Variants in FRMD4A observed in about 807,000 individuals in gnomAD.
The protein encoded by FRMD4A is FERM domain-containing protein 4A.
A neutral mutation model predicts 129.1 loss-of-function variants in FRMD4A; 29 were observed. The ratio of observed to expected loss-of-function variants is 0.22; its 90% CI spans 0.17 to 0.31. The LOEUF (loss-of-function observed/expected upper bound fraction) is 0.31, where lower values mean the gene tolerates loss of function less well. Among genes scored for constraint, FRMD4A ranks in the 10% least tolerant of loss-of-function variants. The pLI, the probability that FRMD4A is intolerant of heterozygous loss-of-function variation, is 1.00. For missense variants in FRMD4A, 1,272 were observed against 1,375.8 expected (o/e 0.92, Z 1.19); for synonymous variants, 634 against 571.6 (o/e 1.11, Z -1.56).
At chr10:14,251,740 G>A (rs1844448341) in intron 2 of FRMD4A, among the ~76,000 whole-genome samples, 1 of 152,184 alleles carries the variant, frequency 6.6e-6, no homozygotes, top group Non-Finnish European at 1.5e-5. Flanking sequence ...ATTCCTGGGA[G>A]TTCATACCCC....
At chr10:14,039,426 C>A (rs1833676832) in intron 2 of FRMD4A, among the ~76,000 whole-genome samples, 1 of 151,636 alleles carries the variant, frequency 6.6e-6, no homozygotes, top group South Asian at 2.1e-4. Context: ...ATCTATCTAT[C>A]TATCTATATT....
intron 2 of FRMD4A, among the ~76,000 whole-genome samples, chr10:14,125,725 ACACACACACACACACGTG>A (rs1359069148): frequency 8.2e-5 from 12 of 145,974 alleles, no homozygotes; most frequent in African/African-American, 3.0e-4. Flanking sequence ...ACACACAGAC[ACACACACACACACACGTG>A]CACACTCATG....
rs112675339 is a variant in FRMD4A at position 14,186,957 on chromosome 10, C to CAA, written c.45+143099_45+143100dup. Among the ~76,000 whole-genome samples, 394 of 139,516 alleles carry CAA rather than the reference C, an allele frequency of 2.8e-3. 1 individual carries two copies. Among genetic ancestry groups the CAA allele is most frequent in the East Asian group, 0.013 (64 of 4,814 alleles). 91.5% of individuals were successfully genotyped at this position (139,516 alleles called of 152,430 possible). The stretch of plus-strand genomic sequence containing the variant: ...GCAACATACTGAGACCTCGTCTCTG[C>CAA]AAAAAAAAAAAAACATAATTAGTCA... On this transcript the variant is annotated intron_variant, in intron 2 of 24. Coordinates refer to ENST00000357447, the MANE Select transcript of FRMD4A (RefSeq NM_018027.5).
intron 2 of FRMD4A, among the ~76,000 whole-genome samples, chr10:13,882,622 A>C (rs1024779450): frequency 6.6e-6 from 1 of 152,200 alleles, no homozygotes; most frequent in African/African-American, 2.4e-5. Context: ...AGGCTCCTTC[A>C]GGAAAGTTCT....
intron 2 of FRMD4A, among the ~76,000 whole-genome samples, chr10:14,071,451 G>A (rs1231448965): frequency 6.6e-6 from 1 of 152,122 alleles, no homozygotes; most frequent in African/African-American, 2.4e-5. Flanking sequence ...CATTGGTTTA[G>A]GATGAATTAC....
At chr10:13,891,889 C>T in intron 2 of FRMD4A, 1 of 288,190 alleles carries the variant, frequency 3.5e-6, no homozygotes, top group Non-Finnish European at 5.1e-6. Context: ...TCGCCCGCGC[C>T]CGGCCCGCCG....
chr10:14,276,736 GC>G (rs1845354386), intron 2 of FRMD4A, among the ~76,000 whole-genome samples: 1 of 152,206 alleles, frequency 6.6e-6, no homozygotes. Flanking sequence ...TGGTTTGTTT[GC>G]TTCTCTATGG....
chr10:13,938,451 C>A (rs1044764962), intron 2 of FRMD4A, among the ~76,000 whole-genome samples: 1 of 152,118 alleles, frequency 6.6e-6, no homozygotes, highest in Admixed American at 6.6e-5. Flanking sequence ...CCATGTTGCC[C>A]AGGGTGGTCT....
intron 2 of FRMD4A, among the ~76,000 whole-genome samples, chr10:14,078,526 C>T (rs74862716): frequency 0.021 from 3,147 of 152,324 alleles, 93 homozygotes; most frequent in African/African-American, 0.07. Flanking sequence ...CAGCATGGAA[C>T]CTGTCTCTCT....
chr10:13,679,093 C>T (rs1359540605), intron 15 of FRMD4A, among the ~76,000 whole-genome samples: 1 of 151,970 alleles, frequency 6.6e-6, no homozygotes, highest in African/African-American at 2.4e-5. Flanking sequence ...AACTTCTGTT[C>T]TACTTTATAC....
At chr10:13,684,864 C>G (rs2084932052) in intron 15 of FRMD4A, 1 of 968,522 alleles carries the variant, frequency 1.0e-6, no homozygotes, top group Non-Finnish European at 1.2e-6. Flanking sequence ...TCTCTTTAGA[C>G]CTTAGAGAAA....
intron 2 of FRMD4A, among the ~76,000 whole-genome samples, chr10:14,203,836 C>T (rs1564384739): frequency 6.6e-6 from 1 of 152,220 alleles, no homozygotes; most frequent in Non-Finnish European, 1.5e-5. Flanking sequence ...GAAAAGCATT[C>T]ATTTGAATTG....
chr10:13,896,298 A>G (rs2131178703), intron 2 of FRMD4A, among the ~76,000 whole-genome samples: 1 of 152,324 alleles, frequency 6.6e-6, no homozygotes, highest in East Asian at 1.9e-4. Context: ...GACTGGATAA[A>G]GAAAATGTGG....
At chr10:14,062,001 A>G (rs1834837522) in intron 2 of FRMD4A, among the ~76,000 whole-genome samples, 1 of 149,676 alleles carries the variant, frequency 6.7e-6, no homozygotes, top group Non-Finnish European at 1.5e-5. Flanking sequence ...TTCTGACAAA[A>G]TAAATCAAAA....
intron 3 of FRMD4A, among the ~76,000 whole-genome samples, chr10:13,811,136 GTT>G (rs796100744): frequency 2.1e-5 from 3 of 143,912 alleles, no homozygotes; most frequent in Non-Finnish European, 4.6e-5. Context: ...TCCTAGAAGG[GTT>G]TTTTTTTTTT....
chr10:13,783,477 C>A (rs1366088155), intron 5 of FRMD4A, among the ~76,000 whole-genome samples: 1 of 151,766 alleles, frequency 6.6e-6, no homozygotes, highest in African/African-American at 2.4e-5. Context: ...CTTGACCTCC[C>A]AGGCTCAAGC....
intron 8 of FRMD4A, 109 bp downstream of exon 8, chr10:13,761,538 A>G: frequency 2.7e-6 from 2 of 750,966 alleles, no homozygotes; most frequent in Non-Finnish European, 4.6e-6. Context: ...TCATTAACAT[A>G]TAACATGAAT....
At position 14,059,748 on chromosome 10, in the gene FRMD4A, C is replaced by G. The variant is rs958060928; in HGVS notation, c.46-200836G>C. On this transcript the variant is annotated intron_variant, in intron 2 of 24. Transcript: ENST00000357447. Reference sequence around the variant, plus strand: ...AATAACGGAAGCTTCTCACGAGCATCTCAAAATTGTTCTCCATCCTCCTCT... The same window carrying G: ...AATAACGGAAGCTTCTCACGAGCATGTCAAAATTGTTCTCCATCCTCCTCT... Among the ~76,000 whole-genome samples, 7 of 152,332 alleles carry G rather than the reference C, an allele frequency of 4.6e-5. No individual in the cohort carries two copies. In the South Asian group the frequency reaches 1.5e-3, roughly 32 times the overall value.
At chr10:14,285,989 A>G (rs1845668861) in intron 2 of FRMD4A, among the ~76,000 whole-genome samples, 1 of 152,222 alleles carries the variant, frequency 6.6e-6, no homozygotes, top group South Asian at 2.1e-4. Flanking sequence ...AAAATGGTGG[A>G]TCCATGAAAG....
Sources: gnomAD v4.1 joint callset for allele counts (sites outside exome capture counted in the v4.1 genomes callset) on GRCh38, gnomAD v4.1.1 for gene constraint, MANE v1.5 for transcripts, NCBI Gene and HGNC (gene_info 2026-07-23, HGNC 2026-07-21) for gene names.